Variants in THBS1 observed in about 807,000 individuals in gnomAD.
THBS1 encodes the protein thrombospondin-1.
Under a neutral mutation model 126.1 loss-of-function variants are expected in THBS1, and 29 were observed. The observed-to-expected ratio is 0.23, with a 90% CI of 0.17 to 0.31. The LOEUF (loss-of-function observed/expected upper bound fraction) is 0.31, where lower values mean the gene tolerates loss of function less well. Among genes scored for constraint, THBS1 ranks in the 10% least tolerant of loss-of-function variants. The pLI, the probability that THBS1 is intolerant of heterozygous loss-of-function variation, is 1.00. For synonymous variants in THBS1, 496 were observed against 577.8 expected, an observed-to-expected ratio of 0.86 and a Z score of 2.03; for missense variants, 1,198 against 1,545.2, an observed-to-expected ratio of 0.78 and a Z score of 3.77.
At position 39,584,306 on chromosome 15, in the gene THBS1, G is replaced by A. The variant is rs377083377; in HGVS notation, c.910G>A (p.Glu304Lys). ...LQDSIRKVTE[E>K]NKELANELRR... is the part of the protein sequence containing the mutation. The stretch of plus-strand genomic sequence containing the variant: ...GATATTCTCTCCCATTTAGACTGAA[G>A]AGAACAAAGAGTTGGCCAATGAGCT... The change falls in exon 6 of 22, where the codon GAG becomes AAG. Residue 304 changes from glutamate (E) to lysine (K), a missense_variant. Transcript: ENST00000260356. 20 of 1,614,090 alleles carry A rather than the reference G, an allele frequency of 1.2e-5. No homozygotes were observed. Among genetic ancestry groups the A allele is most frequent in the African/African-American group, 2.7e-5 (2 of 74,918 alleles).
At position 39,583,984 on chromosome 15, in the gene THBS1, C is replaced by T; in HGVS notation, c.704-4C>T. 6.2e-7 allele frequency: 1 copy of T among 1,614,052 alleles called. No homozygotes were observed. Among genetic ancestry groups the T allele is most frequent in the Non-Finnish European group, 8.5e-7 (1 of 1,179,982 alleles). On this transcript the variant is annotated splice_polypyrimidine_tract_variant and splice_region_variant and intron_variant, in intron 4 of 21. Coordinates refer to ENST00000260356, the MANE Select transcript of THBS1 (RefSeq NM_003246.4). ...TTTGAAGTTTTCATTTTGTTTCTTG[C>T]CAGCTACCAGTGTCCTCCTCACCCT...
Position 39,582,635 on chromosome 15 carries a change from C to A in THBS1, c.510C>A (p.Asp170Glu), listed in dbSNP as rs760215733. Residue 170 changes from aspartate (D) to glutamate (E), a missense_variant, in exon 3 of 22, where the codon GAC becomes GAA. Asp to Glu is a conservative substitution (Grantham distance 45, BLOSUM62 2). Coordinates refer to ENST00000260356, the MANE Select transcript of THBS1 (RefSeq NM_003246.4). ...AAGACAGGGCCCAGCTGTACATCGA[C>A]TGTGAAAAGATGGAGAATGCTGAGT... ...VQEDRAQLYI[D>E]CEKMENAELD... The A allele has an allele frequency of 6.2e-7, 1 of 1,613,890 alleles. No homozygotes were observed. Among genetic ancestry groups the A allele is most frequent in the African/African-American group, 1.3e-5 (1 of 74,936 alleles).
Position 39,597,936 on chromosome 15 carries a change from A to G in THBS1, c.*2567A>G, listed in dbSNP as rs1308659561. The G allele has an allele frequency of 6.6e-6, 1 of 152,218 alleles. No homozygotes were observed. Among genetic ancestry groups the G allele is most frequent in the Admixed American group, 6.5e-5 (1 of 15,280 alleles). 9.4% of individuals were successfully genotyped at this position (152,218 alleles called of 1,614,324 possible). A position where few individuals can be genotyped will look rare whatever the true frequency, so the allele number is the denominator to read the frequency against. On this transcript the variant is annotated 3_prime_UTR_variant, in exon 22 of 22. Transcript: ENST00000260356. The stretch of plus-strand genomic sequence containing the variant: ...CGGAAGTAAATGTGGATGAGGGAGG[A>G]GCTGTCCTTGCAATGTTGAGCCAAG...
rs746481802 is a variant in THBS1, at chr15:39,592,587, G to A, written c.2552G>A (p.Arg851His). 33 of 1,613,250 alleles carry A rather than the reference G, an allele frequency of 2.0e-5. No homozygotes were observed. The highest frequency in any genetic ancestry group is 2.7e-5 in the African/African-American group (2 of 75,002). ...NPDQLDSDSD[R>H]IGDTCDNNQD... ...TTTCAGCTGGACTCTGACTCAGACCGCATTGGAGATACCTGTGACAACAAT... is the reference window on the plus strand; with the variant it reads ...TTTCAGCTGGACTCTGACTCAGACCACATTGGAGATACCTGTGACAACAAT... Residue 851 changes from arginine (R) to histidine (H), a missense_variant, in exon 17 of 22, where the codon CGC becomes CAC. By Grantham distance (29) the Arg-to-His change is conservative (BLOSUM62 0). Around this residue, in one of 4 missense-constraint regions of THBS1, gnomAD observed 663 missense variants for 860.1 expected, o/e 0.77. Transcript: ENST00000260356. This position sits in a 1 kb window ranked among gnomAD's most constrained non-coding sequence, Gnocchi z 4.3.
At position 39,594,150 on chromosome 15, in the gene THBS1, G is replaced by A. The variant is rs376271228; in HGVS notation, c.3319G>A (p.Ala1107Thr). The A allele has an allele frequency of 3.8e-5, 61 of 1,614,022 alleles. 1 individual carries two copies. The highest frequency in any genetic ancestry group is 5.0e-5 in the Non-Finnish European group (59 of 1,180,004). ...PRHIGWKDFT[A>T]YRWRLSHRPK... ...TCACATAGGCTGGAAAGATTTCACC[G>A]CCTACAGATGGCGTCTCAGCCACAG... Residue 1107 changes from alanine to threonine, a missense_variant, in exon 20 of 22, where the codon GCC (alanine) becomes ACC (threonine). Ala to Thr is a moderately conservative substitution (Grantham distance 58). This residue lies in a region of THBS1 where 255 missense variants were observed against 373.9 expected (regional missense o/e 0.68). Coordinates refer to ENST00000260356, the MANE Select transcript of THBS1 (RefSeq NM_003246.4). The surrounding 1 kb of genome is among the most constrained non-coding windows in gnomAD (Gnocchi z 4.4).
intron 8 of THBS1, among the ~76,000 whole-genome samples, chr15:39,587,721 G>A (rs953355498): frequency 6.6e-6 from 1 of 152,156 alleles, no homozygotes; most frequent in Admixed American, 6.5e-5. Flanking sequence ...GATAATAATA[G>A]TTCTTGATAA....
Position 39,592,713 on chromosome 15 carries a change from C to G in THBS1, c.2678C>G (p.Ala893Gly). The G allele has an allele frequency of 6.2e-7, 1 of 1,614,184 alleles. No individual in the cohort carries two copies. Among genetic ancestry groups the G allele is most frequent in the Non-Finnish European group, 8.5e-7 (1 of 1,180,050 alleles). Residue 893 changes from alanine to glycine, a missense_variant, in exon 17 of 22, where the codon GCC (alanine) becomes GGC (glycine). Physicochemically the swap from Ala to Gly is moderately conservative, Grantham distance 60 (BLOSUM62 0). Coordinates refer to ENST00000260356, the MANE Select transcript of THBS1 (RefSeq NM_003246.4). This position sits in a 1 kb window ranked among gnomAD's most constrained non-coding sequence, Gnocchi z 4.3. ...ADHDKDGKGD[A>G]CDHDDDNDGI... is the part of the protein sequence containing the mutation. ...CATGACAAAGATGGCAAGGGAGATGCCTGTGACCACGATGATGACAACGAT... is the reference window on the plus strand; with the variant it reads ...CATGACAAAGATGGCAAGGGAGATGGCTGTGACCACGATGATGACAACGAT...
At chr15:39,595,292 A>AACTGAT (rs11281217) in intron 21 of THBS1, 70 bp from the exon 22 acceptor site, 147,879 of 1,049,390 alleles carry the variant, frequency 0.14, 11,629 homozygotes, top group African/African-American at 0.2. Flanking sequence ...TTAACTTATT[A>AACTGAT]ACTAAGATGT....
chr15:39,581,347 C>T (rs773943939), intron 1 of THBS1, 119 bp downstream of exon 1: 36 of 154,262 alleles, frequency 2.3e-4, no homozygotes, highest in Non-Finnish European at 4.3e-4. Flanking sequence ...TCGCCTACCC[C>T]AGCCCGCTCC....
rs766019073 is a variant in THBS1 at position 39,592,761 on chromosome 15, A to G, written c.2726A>G (p.Asn909Ser). 3 of 1,614,068 alleles carry G rather than the reference A, an allele frequency of 1.9e-6. No individual in the cohort carries two copies. The highest frequency in any genetic ancestry group is 2.2e-5 in the South Asian group (2 of 91,076). ...DNDGIPDDKD[N>S]CRLVPNPDQK... ...GATGGCATTCCTGATGACAAGGACA[A>G]CTGCAGACTCGTGCCCAATCCCGAC... Residue 909 changes from asparagine (N) to serine (S), a missense_variant, in exon 17 of 22, where the codon AAC becomes AGC. By Grantham distance (46) the Asn-to-Ser change is conservative (BLOSUM62 1). This residue lies in a region of THBS1 where 255 missense variants were observed against 373.9 expected (regional missense o/e 0.68). Transcript: ENST00000260356. This position sits in a 1 kb window ranked among gnomAD's most constrained non-coding sequence, Gnocchi z 4.3.
At position 39,595,658 on chromosome 15, in the gene THBS1, C is replaced by T; in HGVS notation, c.*289C>T. On this transcript the variant is annotated 3_prime_UTR_variant, in exon 22 of 22. Coordinates refer to ENST00000260356, the MANE Select transcript of THBS1 (RefSeq NM_003246.4). ...TACTTGCTTCAGTTGGGAAGGTGCC[C>T]ATTCCACTCTGCCTTTGTCACAGAG... The T allele has an allele frequency of 1.7e-6, 1 of 584,182 alleles. No homozygotes were observed. Among genetic ancestry groups the T allele is most frequent in the Non-Finnish European group, 3.2e-6 (1 of 309,734 alleles). 36.2% of individuals were successfully genotyped at this position (584,182 alleles called of 1,614,324 possible). A position where few individuals can be genotyped will look rare whatever the true frequency, so the allele number is the denominator to read the frequency against.
rs1890347344 is a variant in THBS1, at chr15:39,592,569, T to A, written c.2534T>A (p.Leu845Gln). ...CCTCCATTTACATCTCTCTTTCAGC[T>A]GGACTCTGACTCAGACCGCATTGGA... ...NCPLEHNPDQ[L>Q]DSDSDRIGDT... The change falls in exon 17 of 22, where the codon CTG becomes CAG. Residue 845 changes from leucine to glutamine, a missense_variant and splice_region_variant. Coordinates refer to ENST00000260356, the MANE Select transcript of THBS1 (RefSeq NM_003246.4). The surrounding 1 kb of genome is among the most constrained non-coding windows in gnomAD (Gnocchi z 4.3). The A allele has an allele frequency of 6.2e-7, 1 of 1,611,228 alleles. No homozygotes were observed. The highest frequency in any genetic ancestry group is 1.7e-5 in the Admixed American group (1 of 59,636).
chr15:39,594,062 A>G lies in THBS1; in HGVS notation c.3268-37A>G. On this transcript the variant is annotated intron_variant, in intron 19 of 21. Transcript: ENST00000260356. The surrounding 1 kb of genome is among the most constrained non-coding windows in gnomAD (Gnocchi z 4.4). The stretch of plus-strand genomic sequence containing the variant: ...TGAAATAGAAATCTTTACCTGAAGG[A>G]GCTGTGTTTCAACCTTTCCTTTTCC... 6.3e-7 allele frequency: 1 copy of G among 1,578,622 alleles called. No homozygotes were observed. The highest frequency in any genetic ancestry group is 8.7e-7 in the Non-Finnish European group (1 of 1,154,954).
intron 14 of THBS1, 42 bp from the exon 15 acceptor site, chr15:39,591,146 TTTC>T: frequency 1.9e-6 from 3 of 1,597,746 alleles, no homozygotes. Context: ...CTTGAGCTGT[TTTC>T]AAGGACAACA....
Position 39,581,229 on chromosome 15 carries a change from GT to G in THBS1, c.-30+2del, listed in dbSNP as rs1890095531. ...GGCCGCCGCGCTCCGGTACACACAG[GT>G]AAGTCGCCCCCGGCGGCCGCCGAGG... On this transcript the variant is annotated splice_donor_variant, in intron 1 of 21. Transcript: ENST00000260356. LOFTEE classifies it low-confidence loss of function (5UTR_SPLICE). The G allele has an allele frequency of 6.5e-6, 1 of 153,808 alleles. No individual in the cohort carries two copies. The highest frequency in any genetic ancestry group is 2.4e-5 in the African/African-American group (1 of 41,462). The allele number at this position is 153,808 out of a possible 1,614,324, so 9.5% of individuals were successfully genotyped here.
At position 39,594,460 on chromosome 15, in the gene THBS1, G is replaced by T. The variant is rs772665516; in HGVS notation, c.3505+20G>T. Reference sequence around the variant, plus strand: ...GTAGAGGTAAGAGCAACATCACCATGAATGTACACTGGACATCTCTATTTC... The same window carrying T: ...GTAGAGGTAAGAGCAACATCACCATTAATGTACACTGGACATCTCTATTTC... On this transcript the variant is annotated intron_variant, in intron 21 of 21. Coordinates refer to ENST00000260356, the MANE Select transcript of THBS1 (RefSeq NM_003246.4). This position sits in a 1 kb window ranked among gnomAD's most constrained non-coding sequence, Gnocchi z 4.4. 1 of 1,612,564 alleles carries T rather than the reference G, an allele frequency of 6.2e-7. No individual in the cohort carries two copies.
chr15:39,585,694 C>A, intron 7 of THBS1, 131 bp downstream of exon 7: 1 of 867,202 alleles, frequency 1.2e-6, no homozygotes, highest in Non-Finnish European at 1.8e-6. Flanking sequence ...CTTGCTGCAG[C>A]AGCTGGTTAA....
chr15:39,588,932 G>T, intron 10 of THBS1, 27 bp from the exon 11 acceptor site: 1 of 1,614,154 alleles, frequency 6.2e-7, no homozygotes, highest in South Asian at 1.1e-5. Flanking sequence ...ACCATTTACT[G>T]TGACTGTCTC....
Position 39,584,047 on chromosome 15 carries a change from C to T in THBS1, c.763C>T (p.Arg255Cys). Residue 255 changes from arginine (R) to cysteine (C), a missense_variant, in exon 5 of 22, where the codon CGC (arginine) becomes TGC (cysteine). Transcript: ENST00000260356. The stretch of plus-strand genomic sequence containing the variant: ...GGTGAATGGTTCCAGCCCTGCCATC[C>T]GCACTAACTACATTGGCCACAAGAC... ...NVVNGSSPAI[R>C]TNYIGHKTKD... The T allele has an allele frequency of 9.3e-6, 15 of 1,614,192 alleles. No homozygotes were observed. Among genetic ancestry groups the T allele is most frequent in the East Asian group, 2.2e-5 (1 of 44,884 alleles).
Sources: allele counts gnomAD v4.1 joint callset (sites outside exome capture counted in the v4.1 genomes callset), GRCh38; gene constraint gnomAD v4.1.1; regional missense constraint gnomAD v4.1.1; non-coding constraint Gnocchi (gnomAD v3.1); transcripts MANE v1.5; gene names NCBI Gene and HGNC (gene_info 2026-07-23, HGNC 2026-07-21).